The following ANKRD30BL variants were observed in gnomAD, a reference collection of about 807,000 sequenced individuals.
ANKRD30BL encodes the protein ankyrin repeat domain 30B like, also known as putative ankyrin repeat domain-containing protein 30B-like.
In ANKRD30BL, 20 loss-of-function variants were observed where a neutral mutation model predicts 18.4. The ratio of observed to expected loss-of-function variants is 1.09; its 90% CI spans 0.77 to 1.58. ANKRD30BL has a LOEUF of 1.58. ANKRD30BL is among the 40% of genes most tolerant of loss of function. The probability of loss-of-function intolerance (pLI) is 0.00; values close to 1 mark genes in which losing one functional copy is unlikely to be tolerated. For synonymous variants in ANKRD30BL, 72 were observed against 100.9 expected (o/e 0.71, Z 1.72); for missense variants, 224 against 268.6 (o/e 0.83, Z 1.16).
At chr2:132,235,125 C>A (rs199528149) in intron 1 of ANKRD30BL, among the ~76,000 whole-genome samples, 4 of 152,184 alleles carry the variant, frequency 2.6e-5, no homozygotes, top group Admixed American at 2.0e-4. Flanking sequence ...AAGCCTTTGA[C>A]AAAATTCAAC....
intron 1 of ANKRD30BL, among the ~76,000 whole-genome samples, chr2:132,160,401 C>CATTT (rs1553469820): frequency 1.0e-5 from 1 of 97,590 alleles, no homozygotes; most frequent in African/African-American, 4.3e-5. Flanking sequence ...ACGCCTGGCC[C>CATTT]TTTTTTTTTT....
chr2:132,195,744 T>C (rs1678950194), intron 1 of ANKRD30BL, among the ~76,000 whole-genome samples: 1 of 133,662 alleles, frequency 7.5e-6, no homozygotes, highest in African/African-American at 2.8e-5. Context: ...TGAGCCAAGA[T>C]GGCATCACTG....
intron 1 of ANKRD30BL, among the ~76,000 whole-genome samples, chr2:132,228,201 A>G (rs1679898345): frequency 6.6e-6 from 1 of 152,068 alleles, no homozygotes; most frequent in African/African-American, 2.4e-5. Flanking sequence ...CTCTTTTTGT[A>G]GAATCTGCAA....
At chr2:132,198,342 T>TTTTTTTTTG (rs1449539566) in intron 1 of ANKRD30BL, among the ~76,000 whole-genome samples, 1 of 113,260 alleles carries the variant, frequency 8.8e-6, no homozygotes, top group African/African-American at 4.7e-5. Context: ...TTTTTTTTTT[T>TTTTTTTTTG]AGACAGAGTC....
intron 1 of ANKRD30BL, among the ~76,000 whole-genome samples, chr2:132,223,723 C>A (rs1281605392): frequency 6.6e-6 from 1 of 151,798 alleles, no homozygotes; most frequent in Non-Finnish European, 1.5e-5. Context: ...AGGTTTGAAA[C>A]ACTCTTTTTG....
chr2:132,212,275 G>T (rs1464062686), intron 1 of ANKRD30BL, among the ~76,000 whole-genome samples: 1 of 151,650 alleles, frequency 6.6e-6, no homozygotes, highest in African/African-American at 2.4e-5. Context: ...GAGCTTTGAG[G>T]CCTAAGGCAG....
Position 132,173,661 on chromosome 2 carries a change from TA to T in ANKRD30BL, n.442-16516del, listed in dbSNP as rs1374141166. ...GTTTTTGGGGAAAAAAATCTGTAAT[TA>T]TTTTTTTTTTACTTGTTCTTGGAAC... On this transcript the variant is annotated intron_variant and non_coding_transcript_variant, in intron 1 of 4. Coordinates refer to the ANKRD30BL transcript ENST00000470729. Among the ~76,000 whole-genome samples, 13 of 152,248 alleles carry T rather than the reference TA, an allele frequency of 8.5e-5. No individual in the cohort carries two copies. The South Asian group carries it at 2.3e-3, about 27-fold the overall frequency.
chr2:132,225,357 C>G (rs1206674629), intron 1 of ANKRD30BL, among the ~76,000 whole-genome samples: 3 of 152,038 alleles, frequency 2.0e-5, no homozygotes, highest in Non-Finnish European at 4.4e-5. Context: ...TTCTCAGAAA[C>G]TTCTTTGTGA....
At chr2:132,156,330 C>T (rs1481802380) in intron 3 of ANKRD30BL, 1 of 151,832 alleles carries the variant, frequency 6.6e-6, no homozygotes, top group South Asian at 2.1e-4. Context: ...AGAAGACAAC[C>T]CCATTATTAA....
At chr2:132,148,818 T>TA (rs1239739502) in intron 5 of ANKRD30BL, among the ~76,000 whole-genome samples, 1 of 151,960 alleles carries the variant, frequency 6.6e-6, no homozygotes, top group Non-Finnish European at 1.5e-5. Flanking sequence ...TAGTAAATAA[T>TA]AAAAAAGATG....
At chr2:132,248,573 A>T (rs112942636) in intron 1 of ANKRD30BL, among the ~76,000 whole-genome samples, 8 of 152,154 alleles carry the variant, frequency 5.3e-5, no homozygotes, top group African/African-American at 1.7e-4. Context: ...TATCACAAAG[A>T]AGTTTCTCTG....
intron 1 of ANKRD30BL, among the ~76,000 whole-genome samples, chr2:132,252,489 G>A (rs1384390429): frequency 6.6e-6 from 1 of 151,350 alleles, no homozygotes; most frequent in Non-Finnish European, 1.5e-5. Context: ...CAGATGGGCC[G>A]TGTGGCAGGC....
intron 1 of ANKRD30BL, among the ~76,000 whole-genome samples, chr2:132,191,063 GCTGT>G (rs537583782): frequency 7.0e-4 from 106 of 152,214 alleles, no homozygotes; most frequent in African/African-American, 2.2e-3. Flanking sequence ...AGATATTGAA[GCTGT>G]CTATCACCTC....
chr2:132,160,461 C>A (rs1261864814), intron 1 of ANKRD30BL, among the ~76,000 whole-genome samples: 2 of 132,008 alleles, frequency 1.5e-5, no homozygotes, highest in African/African-American at 5.9e-5. Flanking sequence ...TATTTTGAGA[C>A]GGAGTCTTGC....
chr2:132,175,783 A>G (rs1444924890), intron 1 of ANKRD30BL, among the ~76,000 whole-genome samples: 1 of 152,216 alleles, frequency 6.6e-6, no homozygotes, highest in Non-Finnish European at 1.5e-5. Context: ...TACCAAGCAT[A>G]CTACTTGTAA....
intron 1 of ANKRD30BL, among the ~76,000 whole-genome samples, chr2:132,182,613 G>T (rs1263207495): frequency 6.6e-6 from 1 of 152,062 alleles, no homozygotes. Flanking sequence ...AATAAGTTAG[G>T]GATGGATACA....
chr2:132,238,338 T>A lies in ANKRD30BL; in HGVS notation n.441+19191A>T, dbSNP rs368891461. 2.2e-3 allele frequency among the ~76,000 whole-genome samples: 339 copies of A among 152,100 alleles called. 1 individual carries two copies. The highest frequency in any genetic ancestry group is 7.3e-3 in the African/African-American group (304 of 41,550). The stretch of plus-strand genomic sequence containing the variant: ...TGACAGAAGGATTCTCAGAAACTTC[T>A]TTGTGACGTGTGCATTCAACTCACA... On this transcript the variant is annotated intron_variant and non_coding_transcript_variant, in intron 1 of 4. Coordinates refer to the ANKRD30BL transcript ENST00000470729.
chr2:132,171,806 C>A (rs549869971), intron 1 of ANKRD30BL, among the ~76,000 whole-genome samples: 13 of 152,080 alleles, frequency 8.5e-5, no homozygotes, highest in Non-Finnish European at 1.9e-4. Context: ...AATTGCACAA[C>A]CTTTACCACC....
intron 1 of ANKRD30BL, among the ~76,000 whole-genome samples, chr2:132,234,071 T>A (rs543882384): frequency 3.3e-5 from 5 of 152,258 alleles, no homozygotes; most frequent in African/African-American, 7.2e-5. Context: ...CTGAACAACC[T>A]GCTCCTGAAT....
Sources: allele counts gnomAD v4.1 joint callset (sites outside exome capture counted in the v4.1 genomes callset), GRCh38; gene constraint gnomAD v4.1.1; transcripts MANE v1.5; gene names NCBI Gene and HGNC (gene_info 2026-07-23, HGNC 2026-07-21).